Variants in GRTP1 observed in about 807,000 individuals in gnomAD.
GRTP1 encodes the protein growth hormone regulated TBC protein 1.
GRTP1 carries 56 observed loss-of-function variants against 38.1 expected under a neutral mutation model. The ratio of observed to expected loss-of-function variants is 1.47; its 90% confidence interval spans 1.19 to 1.84. The LOEUF (loss-of-function observed/expected upper bound fraction) is 1.84. Ranked by LOEUF, GRTP1 falls within the 40% of genes most tolerant of loss-of-function variation. GRTP1 has a pLI of 0.00. For synonymous variants in GRTP1, 217 were observed against 189.5 expected, an observed-to-expected ratio of 1.14 and a Z score of -1.19; for missense variants, 506 against 453.9, an observed-to-expected ratio of 1.11 and a Z score of -1.04.
chr13:113,345,079 A>G lies in GRTP1; in HGVS notation c.466-120T>C. ...TCTCTTGCTTCTCCTTAAAACCTGC[A>G]TAATTGCAGAATGATCCTTTAGTAG... On this transcript the variant is annotated intron_variant, in intron 4 of 7. Transcript: ENST00000375431. 10 of 1,090,436 alleles carry G rather than the reference A, an allele frequency of 9.2e-6. No homozygotes were observed. The South Asian group carries it at 1.2e-4, about 13-fold the overall frequency. 67.5% of individuals were successfully genotyped at this position (1,090,436 alleles called of 1,614,324 possible). A position where few individuals can be genotyped will look rare whatever the true frequency, so the allele number is the denominator to read the frequency against.
intron 5 of GRTP1, among the ~76,000 whole-genome samples, chr13:113,341,092 G>A (rs1438643371): frequency 6.6e-6 from 1 of 150,980 alleles, no homozygotes; most frequent in African/African-American, 2.4e-5. Flanking sequence ...TGTCGCCCAG[G>A]CTGGAGTGCA....
At chr13:113,357,347 A>T (rs190924951) in intron 2 of GRTP1, among the ~76,000 whole-genome samples, 58 of 148,928 alleles carry the variant, frequency 3.9e-4, no homozygotes, top group African/African-American at 1.4e-3. Flanking sequence ...CGGCAGACTG[A>T]GGCAGGAGAA....
At position 113,355,435 on chromosome 13, in the gene GRTP1, G is replaced by C; in HGVS notation, c.228C>G (p.Arg76=). The C allele has an allele frequency of 6.2e-7, 1 of 1,613,952 alleles. No homozygotes were observed. Among genetic ancestry groups the C allele is most frequent in the South Asian group, 1.1e-5 (1 of 91,078 alleles). The change falls in exon 3 of 8, where the codon CGC becomes CGG. Residue 76 remains arginine, a synonymous_variant. Transcript: ENST00000375431. ...RKGVPLEHRA[R]VWMVLSGAQA... The stretch of plus-strand genomic sequence containing the variant: ...GGGCCCCACTCAGCACCATCCAGAC[G>C]CGGGCACGGTGCTCCAGCGGGACCC...
chr13:113,355,796 A>G (rs2043375321), intron 2 of GRTP1: 1 of 200,000 alleles, frequency 5.0e-6, no homozygotes. Flanking sequence ...GCAGCCGTGC[A>G]GAGCAGCAGC....
intron 4 of GRTP1, among the ~76,000 whole-genome samples, chr13:113,347,763 A>T (rs1482890028): frequency 2.9e-5 from 3 of 102,804 alleles, no homozygotes; most frequent in African/African-American, 8.4e-5. Flanking sequence ...AGGACCTCTG[A>T]AGCCGAGAGC....
At chr13:113,347,577 G>C (rs1457602246) in intron 4 of GRTP1, among the ~76,000 whole-genome samples, 8 of 80,120 alleles carry the variant, frequency 1.0e-4, no homozygotes, top group East Asian at 5.0e-4. Context: ...GACCCAGGAG[G>C]ACCTCTGTGG....
rs1381385272 is a variant in GRTP1 at position 113,348,137 on chromosome 13, G to T, written c.465+2712C>A. ...ACCATGTGGACAGTGTGGACACATG[G>T]AAATGCAGGTGGGTGATCATCGTGG... is the stretch of plus-strand genomic sequence containing the variant. On this transcript the variant is annotated intron_variant, in intron 4 of 7. Coordinates refer to ENST00000375431, the MANE Select transcript of GRTP1 (RefSeq NM_024719.4). The surrounding 1 kb of genome is among the most constrained non-coding windows in gnomAD (Gnocchi z 4.8). Among the ~76,000 whole-genome samples, 2 of 152,186 alleles carry T rather than the reference G, an allele frequency of 1.3e-5. No homozygotes were observed. Among genetic ancestry groups the T allele is most frequent in the Non-Finnish European group, 2.9e-5 (2 of 68,032 alleles).
chr13:113,326,352 A>C (rs1044854352), intron 5 of GRTP1, among the ~76,000 whole-genome samples: 51 of 81,908 alleles, frequency 6.2e-4, no homozygotes, highest in African/African-American at 1.8e-3. Flanking sequence ...CATCAGTTAA[A>C]ATCTGCAGGT....
chr13:113,324,409 C>T lies in GRTP1; in HGVS notation c.*79G>A. On this transcript the variant is annotated 3_prime_UTR_variant, in exon 8 of 8. Coordinates refer to ENST00000375431, the MANE Select transcript of GRTP1 (RefSeq NM_024719.4). ...GTATTTACAACACTAAAAAGGAAAG[C>T]AGTGAAAGTTGGTCCAGTGTCAACT... 1.1e-5 allele frequency: 16 copies of T among 1,429,808 alleles called. No homozygotes were observed. The highest frequency in any genetic ancestry group is 1.5e-5 in the Non-Finnish European group (16 of 1,086,628). The allele number at this position is 1,429,808 out of a possible 1,614,324, so 88.6% of individuals were successfully genotyped here. A position where few individuals can be genotyped will look rare whatever the true frequency, so the allele number is the denominator to read the frequency against.
intron 5 of GRTP1, among the ~76,000 whole-genome samples, chr13:113,326,374 C>CGGGGGGG (rs2042770548): frequency 1.4e-3 from 1 of 702 alleles, no homozygotes; most frequent in African/African-American, 4.1e-3. Flanking sequence ...GAGGGTGGCG[C>CGGGGGGG]GGTGGGGGGG....
intron 5 of GRTP1, among the ~76,000 whole-genome samples, chr13:113,333,147 T>A (rs1176573479): frequency 6.6e-6 from 1 of 152,206 alleles, no homozygotes; most frequent in African/African-American, 2.4e-5. Flanking sequence ...GGTATCCTCA[T>A]CAGGAAAGCC....
chr13:113,326,176 C>G lies in GRTP1; in HGVS notation c.563-85G>C, dbSNP rs1595470145. On this transcript the variant is annotated intron_variant, in intron 5 of 7. Transcript: ENST00000375431. ...TCCCCTCAGAGCCAGACAAAGACAA[C>G]AGGGCCACCCTGGGAGGACCCCTCC... The G allele has an allele frequency of 3.3e-6, 5 of 1,527,340 alleles. No individual in the cohort carries two copies. In the East Asian group the frequency reaches 1.1e-4, roughly 35 times the overall value. The allele number at this position is 1,527,340 out of a possible 1,614,324, so 94.6% of individuals were successfully genotyped here. A position where few individuals can be genotyped will look rare whatever the true frequency, so the allele number is the denominator to read the frequency against.
At chr13:113,350,575 GCA>G (rs1424430606) in intron 4 of GRTP1, among the ~76,000 whole-genome samples, 1 of 150,358 alleles carries the variant, frequency 6.7e-6, no homozygotes, top group Non-Finnish European at 1.5e-5. Flanking sequence ...ATATCCCACA[GCA>G]CACACACCCC....
At chr13:113,332,138 C>T (rs564304713) in intron 5 of GRTP1, among the ~76,000 whole-genome samples, 143 of 152,172 alleles carry the variant, frequency 9.4e-4, no homozygotes, top group African/African-American at 3.3e-3. Flanking sequence ...ACAATAAGAA[C>T]TGCACAAAGA....
intron 2 of GRTP1, 37 bp downstream of exon 2, chr13:113,363,725 T>TGCGCCCTCGGGACCCACCA: frequency 6.8e-7 from 1 of 1,468,658 alleles, no homozygotes; most frequent in Non-Finnish European, 9.2e-7. Flanking sequence ...CCAACCCACC[T>TGCGCCCTCGGGACCCACCA]GCGCCCTCGG....
chr13:113,359,380 G>C (rs2043453473), intron 2 of GRTP1, among the ~76,000 whole-genome samples: 1 of 152,204 alleles, frequency 6.6e-6, no homozygotes. Flanking sequence ...GCCAGGTGCA[G>C]TGGCTCATGC....
chr13:113,354,307 G>T (rs535616313), intron 3 of GRTP1, among the ~76,000 whole-genome samples: 1 of 152,040 alleles, frequency 6.6e-6, no homozygotes, highest in South Asian at 2.1e-4. Flanking sequence ...AGCCTTGGGA[G>T]CCCCCTCCCC....
intron 5 of GRTP1, among the ~76,000 whole-genome samples, chr13:113,331,171 G>A (rs1363538453): frequency 1.3e-5 from 2 of 152,146 alleles, no homozygotes; most frequent in African/African-American, 2.4e-5. Context: ...CATGGAAACC[G>A]GTCGCAGCTC....
At chr13:113,351,316 G>A (rs971923903) in intron 3 of GRTP1, among the ~76,000 whole-genome samples, 7 of 152,344 alleles carry the variant, frequency 4.6e-5, no homozygotes, top group South Asian at 2.1e-4. Flanking sequence ...CGGACCTCGC[G>A]CGTAGCGGAG....
Sources: gnomAD v4.1 joint callset for allele counts (sites outside exome capture counted in the v4.1 genomes callset) on GRCh38, gnomAD v4.1.1 for gene constraint, Gnocchi (gnomAD v3.1) non-coding constraint, MANE v1.5 for transcripts, NCBI Gene and HGNC (gene_info 2026-07-23, HGNC 2026-07-21) for gene names.